Variants in CDC123 observed in about 807,000 individuals in gnomAD.
The protein encoded by CDC123 is cell division cycle 123, also known as translation initiation factor eIF2 assembly protein.
In CDC123, 37 loss-of-function variants were observed where a neutral mutation model predicts 54.4. The observed-to-expected ratio is 0.68, with a 90% CI of 0.52 to 0.89. The LOEUF (loss-of-function observed/expected upper bound fraction) is 0.89, where lower values mean the gene tolerates loss of function less well. Among genes scored for constraint, CDC123 ranks in the 40% least tolerant of loss-of-function variants. CDC123 has a pLI of 0.00. For missense variants in CDC123, 361 were observed against 412.1 expected (o/e 0.88, Z 1.07); for synonymous variants, 144 against 136.8 (o/e 1.05, Z -0.37).
At chr10:12,240,550 A>C (rs1446405638) in intron 10 of CDC123, among the ~76,000 whole-genome samples, 1 of 152,236 alleles carries the variant, frequency 6.6e-6, no homozygotes, top group East Asian at 1.9e-4. Context: ...TTGTCTTCAA[A>C]GATGATGGTG....
intron 2 of CDC123, among the ~76,000 whole-genome samples, chr10:12,199,366 C>G (rs994767004): frequency 1.3e-5 from 2 of 152,100 alleles, no homozygotes; most frequent in Admixed American, 1.3e-4. Context: ...AGTGTTCAGC[C>G]CTCACCAGCC....
At chr10:12,234,990 C>A in intron 7 of CDC123, 58 bp from the exon 8 acceptor site, 2 of 1,273,544 alleles carry the variant, frequency 1.6e-6, no homozygotes, top group Non-Finnish European at 2.3e-6. Flanking sequence ...CCTAAAATTG[C>A]CTAGTAGACC....
chr10:12,241,283 A>G (rs1420249468), intron 10 of CDC123, among the ~76,000 whole-genome samples: 1 of 151,968 alleles, frequency 6.6e-6, no homozygotes, highest in African/African-American at 2.4e-5. Context: ...GGCACTGTTT[A>G]TGTATTACAG....
chr10:12,234,306 A>G (rs4514317), intron 7 of CDC123, among the ~76,000 whole-genome samples: 52,601 of 152,128 alleles, frequency 0.35, 9,547 homozygotes, highest in Non-Finnish European at 0.4. Context: ...TTGGAGCGCA[A>G]TGGCGCGATC....
At position 12,197,620 on chromosome 10, in the gene CDC123, G is replaced by A. The variant is rs902895985; in HGVS notation, c.75-1085G>A. On this transcript the variant is annotated intron_variant, in intron 1 of 12. Coordinates refer to ENST00000281141, the MANE Select transcript of CDC123 (RefSeq NM_006023.3). ...TCTCGATTGCCTGACCTCGTGATCC[G>A]CCCGCCTCGGCCTCCCAAAGTGCTG... 5.6e-5 allele frequency among the ~76,000 whole-genome samples: 8 copies of A among 142,002 alleles called. No homozygotes were observed. In the South Asian group the frequency reaches 1.5e-3, roughly 26 times the overall value. The allele number at this position is 142,002 out of a possible 152,430, so 93.2% of individuals were successfully genotyped here.
intron 11 of CDC123, chr10:12,246,885 CTG>C (rs1836147403): frequency 6.6e-6 from 1 of 151,104 alleles, no homozygotes; most frequent in African/African-American, 2.5e-5. Flanking sequence ...ACTCTGGACA[CTG>C]TGTCCTCCTC....
intron 10 of CDC123, among the ~76,000 whole-genome samples, chr10:12,240,585 G>T (rs1025308024): frequency 2.0e-5 from 3 of 152,190 alleles, no homozygotes; most frequent in African/African-American, 7.2e-5. Context: ...CTAGAAAGAG[G>T]GGCTTTAGGC....
chr10:12,243,003 G>T (rs919393207), intron 10 of CDC123, among the ~76,000 whole-genome samples: 1 of 151,846 alleles, frequency 6.6e-6, no homozygotes, highest in Non-Finnish European at 1.5e-5. Flanking sequence ...TTACAGCTGG[G>T]TTTTTTTTAA....
chr10:12,210,453 C>A, intron 4 of CDC123, 131 bp downstream of exon 4: 1 of 1,123,370 alleles, frequency 8.9e-7, no homozygotes, highest in Non-Finnish European at 1.2e-6. Flanking sequence ...TCCCTGTGGG[C>A]TGTCGTTTTT....
At chr10:12,249,842 G>T (rs1836216894) in intron 12 of CDC123, 124 bp downstream of exon 12, 1 of 1,229,210 alleles carries the variant, frequency 8.1e-7, no homozygotes, top group Admixed American at 3.3e-5. Flanking sequence ...ATGGAACCAA[G>T]TTACTGAGTT....
intron 7 of CDC123, among the ~76,000 whole-genome samples, chr10:12,232,670 C>T (rs1835917450): frequency 1.3e-5 from 2 of 152,152 alleles, no homozygotes; most frequent in African/African-American, 4.8e-5. Context: ...TTAAACACTC[C>T]TATAACTTTA....
rs1321434810 is a variant in CDC123 at position 12,215,431 on chromosome 10, A to G, written c.238-309A>G. On this transcript the variant is annotated intron_variant, in intron 4 of 12. Coordinates refer to ENST00000281141, the MANE Select transcript of CDC123 (RefSeq NM_006023.3). ...TTTTCTCTTGATGAATGCTGGTTTT[A>G]TGTCGGTGTACAGAGAACCATTCAC... 2.0e-5 allele frequency among the ~76,000 whole-genome samples: 3 copies of G among 152,268 alleles called. No homozygotes were observed. The East Asian group carries it at 5.8e-4, about 29-fold the overall frequency.
chr10:12,236,188 A>C (rs1835974694), intron 8 of CDC123, among the ~76,000 whole-genome samples: 1 of 152,244 alleles, frequency 6.6e-6, no homozygotes, highest in Admixed American at 6.5e-5. Context: ...ACTCTTTGGA[A>C]GAAAGCAAAG....
intron 7 of CDC123, among the ~76,000 whole-genome samples, chr10:12,231,834 A>G (rs1355078640): frequency 6.6e-6 from 1 of 151,926 alleles, no homozygotes; most frequent in African/African-American, 2.4e-5. Context: ...TGGATCTGAA[A>G]CATAACTTTT....
At chr10:12,243,477 A>T (rs1836087606) in intron 10 of CDC123, among the ~76,000 whole-genome samples, 1 of 151,778 alleles carries the variant, frequency 6.6e-6, no homozygotes, top group East Asian at 1.9e-4. Flanking sequence ...AAAATGAGTT[A>T]GTTTTACTGA....
chr10:12,206,326 GT>G (rs1835518618), intron 2 of CDC123, among the ~76,000 whole-genome samples: 1 of 152,232 alleles, frequency 6.6e-6, no homozygotes, highest in South Asian at 2.1e-4. Context: ...AAGCAGCCAT[GT>G]TAAAGATAAT....
intron 4 of CDC123, among the ~76,000 whole-genome samples, chr10:12,213,718 G>A (rs1172729381): frequency 6.6e-6 from 1 of 152,164 alleles, no homozygotes; most frequent in African/African-American, 2.4e-5. Flanking sequence ...GCGTGTTGAA[G>A]ATGTTATTTA....
chr10:12,234,496 G>A (rs546787770), intron 7 of CDC123, among the ~76,000 whole-genome samples: 1 of 152,346 alleles, frequency 6.6e-6, no homozygotes, highest in African/African-American at 2.4e-5. Context: ...TGGGGTTATA[G>A]GCGTGAGCCT....
chr10:12,223,093 A>G (rs1835758858), intron 6 of CDC123, among the ~76,000 whole-genome samples: 1 of 150,464 alleles, frequency 6.6e-6, no homozygotes. Context: ...ACGGGGTTTC[A>G]CCGTATTAGC....
Sources: gnomAD v4.1 joint callset for allele counts (sites outside exome capture counted in the v4.1 genomes callset) on GRCh38, gnomAD v4.1.1 for gene constraint, MANE v1.5 for transcripts, NCBI Gene and HGNC (gene_info 2026-07-23, HGNC 2026-07-21) for gene names.